SYTL3: variants seen among roughly 807,000 people sequenced by gnomAD.
SYTL3 encodes the protein synaptotagmin-like protein 3.
SYTL3 carries 88 observed loss-of-function variants against 82.1 expected under a neutral mutation model. That is an observed-to-expected ratio of 1.07 (90% CI 0.90 to 1.28). SYTL3 has a LOEUF of 1.28. Among genes scored for constraint, SYTL3 ranks in the 50% most tolerant of loss-of-function variants. The pLI, the probability that SYTL3 is intolerant of heterozygous loss-of-function variation, is 0.00. For synonymous variants in SYTL3, 311 were observed against 289.4 expected, an observed-to-expected ratio of 1.07 and a Z score of -0.76; for missense variants, 831 against 757.6, an observed-to-expected ratio of 1.10 and a Z score of -1.14.
chr6:158,647,781 T>C (rs1186163127), upstream of SYTL3, among the ~76,000 whole-genome samples: 1 of 152,274 alleles, frequency 6.6e-6, no homozygotes, highest in African/African-American at 2.4e-5. Flanking sequence ...AATGTTTAGT[T>C]TCTATGCAGT....
chr6:158,762,844 G>T (rs951019381), intron 16 of SYTL3, among the ~76,000 whole-genome samples: 3 of 152,156 alleles, frequency 2.0e-5, no homozygotes, highest in African/African-American at 4.8e-5. Context: ...TTGAACTTGG[G>T]GGGAGGAGGT....
intron 3 of SYTL3, among the ~76,000 whole-genome samples, chr6:158,662,546 T>A (rs1402080571): frequency 6.6e-6 from 1 of 152,216 alleles, no homozygotes; most frequent in African/African-American, 2.4e-5. Flanking sequence ...AGTTATGGAA[T>A]CCATATTAGG....
chr6:158,672,763 C>T (rs1777545221), intron 5 of SYTL3, among the ~76,000 whole-genome samples: 1 of 151,982 alleles, frequency 6.6e-6, no homozygotes, highest in Non-Finnish European at 1.5e-5. Flanking sequence ...TCCCTAGTAG[C>T]TGAGATTACA....
chr6:158,727,101 C>T (rs748803754), intron 11 of SYTL3, among the ~76,000 whole-genome samples: 8 of 152,184 alleles, frequency 5.3e-5, no homozygotes, highest in South Asian at 2.1e-4. Context: ...CCACGTGCCT[C>T]GGCCTCCCAA....
chr6:158,653,738 G>A (rs1458665412), intron 2 of SYTL3, among the ~76,000 whole-genome samples: 7 of 152,168 alleles, frequency 4.6e-5, no homozygotes, highest in African/African-American at 9.7e-5. Context: ...CTTTGAGAAC[G>A]TTCTGTAGTC....
rs369229303 is a variant in SYTL3, at chr6:158,745,604, T to C, written c.980T>C (p.Ile327Thr). ...AAAACCCATTCTTTAGAAATATGCA[T>C]CAAGGCCTGTAAGAACCTTGCCTAT... Reference protein sequence around the residue: ...CFKTHSLEICIKACKNLAYGE... With the variant: ...CFKTHSLEICTKACKNLAYGE... The change falls in exon 12 of 18, where the codon ATC becomes ACC. Residue 327 changes from isoleucine (I) to threonine (T), a missense_variant. Ile to Thr is a moderately conservative substitution (Grantham distance 89). Transcript: ENST00000611299. 2.5e-6 allele frequency: 4 copies of C among 1,613,366 alleles called. No homozygotes were observed. In the African/African-American group the frequency reaches 4.0e-5, roughly 16 times the overall value.
chr6:158,752,273 A>G (rs1290860825), intron 13 of SYTL3, among the ~76,000 whole-genome samples: 1 of 152,204 alleles, frequency 6.6e-6, no homozygotes, highest in East Asian at 1.9e-4. Flanking sequence ...ATGATTTCTG[A>G]GAAGATGGTG....
intron 6 of SYTL3, among the ~76,000 whole-genome samples, chr6:158,702,159 T>C (rs1406291493): frequency 6.6e-6 from 1 of 151,658 alleles, no homozygotes; most frequent in African/African-American, 2.4e-5. Flanking sequence ...ATTTAAAATT[T>C]TTTTTGTAGA....
At chr6:158,711,076 A>G (rs1782715625) in intron 8 of SYTL3, among the ~76,000 whole-genome samples, 2 of 151,800 alleles carry the variant, frequency 1.3e-5, no homozygotes, top group Admixed American at 6.6e-5. Context: ...CACCTCGCCC[A>G]GCCAGGTCTA....
chr6:158,722,143 CTTTTTTTG>C (rs1263934373), intron 10 of SYTL3, among the ~76,000 whole-genome samples: 1 of 140,102 alleles, frequency 7.1e-6, no homozygotes, highest in Non-Finnish European at 1.6e-5. Context: ...AGATAACTTT[CTTTTTTTG>C]TTTGTTTGTT....
intron 14 of SYTL3, among the ~76,000 whole-genome samples, chr6:158,760,330 T>G (rs762261831): frequency 1.3e-5 from 2 of 152,186 alleles, no homozygotes; most frequent in Non-Finnish European, 2.9e-5. Context: ...ACTCAGGCTG[T>G]GTCTGGGTTT....
chr6:158,751,818 G>T, intron 12 of SYTL3, 110 bp from the exon 13 acceptor site: 1 of 790,218 alleles, frequency 1.3e-6, no homozygotes, highest in South Asian at 2.1e-5. Flanking sequence ...AATTCCAGCA[G>T]GAAGCCTGGT....
At chr6:158,718,768 TGA>T (rs1041970357) in intron 10 of SYTL3, among the ~76,000 whole-genome samples, 48 of 152,322 alleles carry the variant, frequency 3.2e-4, no homozygotes, top group African/African-American at 1.1e-3. Context: ...GCTTCGGGTA[TGA>T]GAGAGAGCCA....
chr6:158,656,158 C>T (rs1356689008), intron 2 of SYTL3, among the ~76,000 whole-genome samples: 1 of 152,198 alleles, frequency 6.6e-6, no homozygotes, highest in African/African-American at 2.4e-5. Flanking sequence ...AGTATTGTCA[C>T]ATCTGCCGTC....
intron 6 of SYTL3, among the ~76,000 whole-genome samples, chr6:158,696,888 A>AT (rs1353475230): frequency 6.6e-6 from 1 of 152,086 alleles, no homozygotes; most frequent in Non-Finnish European, 1.5e-5. Flanking sequence ...TGGTCAAATG[A>AT]TTTTTGAGAA....
intron 11 of SYTL3, among the ~76,000 whole-genome samples, chr6:158,742,140 CTAAAA>C (rs1362700565): frequency 2.0e-5 from 3 of 152,006 alleles, no homozygotes; most frequent in African/African-American, 7.3e-5. Context: ...TTTCCATAGT[CTAAAA>C]TAAACATAAA....
At position 158,737,951 on chromosome 6, in the gene SYTL3, G is replaced by A. The variant is rs544340438; in HGVS notation, c.856-7529G>A. On this transcript the variant is annotated intron_variant, in intron 11 of 17. Transcript: ENST00000611299. ...CTTCTGATGTGTGATGCAATTTGGG[G>A]CATGACTCAACCTGCCTTGACCTTC... Among the ~76,000 whole-genome samples, 515 of 152,288 alleles carry A rather than the reference G, an allele frequency of 3.4e-3. 2 individuals carry two copies. Among genetic ancestry groups the A allele is most frequent in the Non-Finnish European group, 4.6e-3 (311 of 68,034 alleles).
chr6:158,754,651 C>T (rs942320963), intron 13 of SYTL3, among the ~76,000 whole-genome samples: 15 of 152,214 alleles, frequency 9.9e-5, no homozygotes, highest in Non-Finnish European at 1.9e-4. Context: ...ACCTGGAAGG[C>T]GGAGCTTGCA....
chr6:158,737,185 T>C (rs1786294882), intron 11 of SYTL3, among the ~76,000 whole-genome samples: 1 of 152,222 alleles, frequency 6.6e-6, no homozygotes, highest in African/African-American at 2.4e-5. Context: ...TGTTAACTAA[T>C]TGAACTTCAC....
Sources: gnomAD v4.1 joint callset for allele counts (sites outside exome capture counted in the v4.1 genomes callset) on GRCh38, gnomAD v4.1.1 for gene constraint, MANE v1.5 for transcripts, NCBI Gene and HGNC (gene_info 2026-07-23, HGNC 2026-07-21) for gene names.